The following TTN variants were observed in gnomAD, a reference collection of about 807,000 sequenced individuals.
TTN encodes the protein connectin.
Under a neutral mutation model 3,223.0 loss-of-function variants are expected in TTN, and 1,525 were observed. The ratio of observed to expected loss-of-function variants is 0.47; its 90% CI spans 0.45 to 0.49. The LOEUF is 0.49. TTN is among the 20% of genes least tolerant of loss of function. The pLI, the probability that TTN is intolerant of heterozygous loss-of-function variation, is 0.00. For missense variants in TTN, 40,786 were observed against 43,424.0 expected, an observed-to-expected ratio of 0.94 and a Z score of 5.40; for synonymous variants, 14,094 against 15,161.0, an observed-to-expected ratio of 0.93 and a Z score of 5.17.
Position 178,618,578 on chromosome 2 carries a change from G to C in TTN, c.46966+6C>G, listed in dbSNP as rs781167167. 5 of 1,610,970 alleles carry C rather than the reference G, an allele frequency of 3.1e-6. No homozygotes were observed. In the Admixed American group the frequency reaches 5.0e-5, roughly 16 times the overall value. ...CCAATTAAGTCTGAGAGACCCAAGG[G>C]CTTACCAATAACTTTTAAATTGATG... On this transcript the variant is annotated splice_donor_region_variant and intron_variant, in intron 251 of 362. Transcript: ENST00000589042.
At chr2:178,550,706 G>A (rs1699086897) in intron 336 of TTN, 1 of 489,026 alleles carries the variant, frequency 2.0e-6, no homozygotes, top group Non-Finnish European at 3.6e-6. Context: ...GTACTGTTAA[G>A]TGGCGAAAAT....
chr2:178,722,701 T>C lies in TTN; in HGVS notation c.22198A>G (p.Ser7400Gly). The C allele has an allele frequency of 6.2e-7, 1 of 1,613,192 alleles. No individual in the cohort carries two copies. The highest frequency in any genetic ancestry group is 8.5e-7 in the Non-Finnish European group (1 of 1,179,482). ...SGEYTCKAEN[S>G]IGTASSKTVF... is the part of the protein sequence containing the mutation. Reference sequence around the variant, plus strand: ...GTCTTAGAAGAAGCAGTTCCTATACTATTTTCTGCTTTGCATGTGTACTCT... The same window carrying C: ...GTCTTAGAAGAAGCAGTTCCTATACCATTTTCTGCTTTGCATGTGTACTCT... The change falls in exon 76 of 363, where the codon AGT becomes GGT. Residue 7400 changes from serine to glycine, a missense_variant. Physicochemically the swap from Ser to Gly is moderately conservative, Grantham distance 56. Coordinates refer to ENST00000589042, the MANE Select transcript of TTN (RefSeq NM_001267550.2).
chr2:178,777,249 G>A lies in TTN; in HGVS notation c.4714C>T (p.Arg1572Ter), dbSNP rs1554008881. ...LKNVNIKEGS[R>*]LEMKVRATGN... Reference sequence around the variant, plus strand: ...GTAGCTCTGACTTTCATTTCAAGTCGGGAACCTTCCTTTATATTGACATTT... The same window carrying A: ...GTAGCTCTGACTTTCATTTCAAGTCAGGAACCTTCCTTTATATTGACATTT... Residue 1572 changes from arginine to a stop codon, truncating the protein, a stop_gained, in exon 27 of 363, where the codon CGA becomes TGA. Transcript: ENST00000589042. LOFTEE classifies it high-confidence loss of function. 3 of 1,613,978 alleles carry A rather than the reference G, an allele frequency of 1.9e-6. No homozygotes were observed. Among genetic ancestry groups the A allele is most frequent in the Non-Finnish European group, 2.5e-6 (3 of 1,179,956 alleles).
intron 47 of TTN, chr2:178,745,171 C>T: frequency 1.0e-6 from 1 of 998,952 alleles, no homozygotes. Context: ...GAGAGATTTG[C>T]CCTTACCAAT....
chr2:178,802,154 A>G lies in TTN; in HGVS notation c.279T>C (p.Ala93=), dbSNP rs2154359804. The part of the protein sequence containing the change: ...TNGSGQATST[A]ELLVKAETAP... ...GCAGCCTACCTTTCACGAGAAGCTCAGCAGTACTAGTCGCTTGTCCAGATC... is the reference window on the plus strand; with the variant it reads ...GCAGCCTACCTTTCACGAGAAGCTCGGCAGTACTAGTCGCTTGTCCAGATC... The change falls in exon 3 of 363, where the codon GCT becomes GCC. Residue 93 remains alanine (A), a synonymous_variant. Transcript: ENST00000589042. 6.2e-7 allele frequency: 1 copy of G among 1,614,104 alleles called. No homozygotes were observed. The highest frequency in any genetic ancestry group is 8.5e-7 in the Non-Finnish European group (1 of 1,179,964).
Position 178,575,300 on chromosome 2 carries a change from G to T in TTN, c.70832C>A (p.Ala23611Glu), listed in dbSNP as rs72646891. ...YTFQVMAVNS[A>E]GRSAPRESRP... ...GCTTTCTCTAGGGGCACTTCTCCCC[G>T]CGCTGTTCACTGCCATCACTTGGAA... The change falls in exon 326 of 363, where the codon GCG (alanine) becomes GAG (glutamate). Residue 23611 changes from alanine (A) to glutamate (E), a missense_variant. By Grantham distance (107) the Ala-to-Glu change is moderately radical (BLOSUM62 -1). Transcript: ENST00000589042. The surrounding 1 kb of genome is among the most constrained non-coding windows in gnomAD (Gnocchi z 4.0). The T allele has an allele frequency of 6.2e-7, 1 of 1,613,366 alleles. No homozygotes were observed. Among genetic ancestry groups the T allele is most frequent in the East Asian group, 2.2e-5 (1 of 44,680 alleles).
chr2:178,788,235 C>G (rs143927271), intron 13 of TTN, among the ~76,000 whole-genome samples: 165 of 152,180 alleles, frequency 1.1e-3, no homozygotes, highest in African/African-American at 3.8e-3. Flanking sequence ...GAATCCTTCT[C>G]TAGTCATTGG....
At chr2:178,753,827 T>C (rs2086242268) in intron 46 of TTN, 1 of 152,288 alleles carries the variant, frequency 6.6e-6, no homozygotes, top group South Asian at 2.1e-4. Flanking sequence ...GTAGACTTTA[T>C]TCCCTTGTTC....
Position 178,632,700 on chromosome 2 carries a change from T to C in TTN, c.43306A>G (p.Lys14436Glu), listed in dbSNP as rs2059951786. The C allele has an allele frequency of 6.2e-7, 1 of 1,613,282 alleles. No individual in the cohort carries two copies. ...KFECEVSREPKTFRWLKGTQE... is the reference protein window; with the variant it reads ...KFECEVSREPETFRWLKGTQE... Reference sequence around the variant, plus strand: ...GTTCCTTTTAGCCAACGGAATGTTTTGGGCTCCCTGGATACTTCACACTCA... The same window carrying C: ...GTTCCTTTTAGCCAACGGAATGTTTCGGGCTCCCTGGATACTTCACACTCA... Residue 14436 changes from lysine to glutamate, a missense_variant, in exon 235 of 363, where the codon AAA becomes GAA. By Grantham distance (56) the Lys-to-Glu change is moderately conservative. Transcript: ENST00000589042.
At position 178,777,296 on chromosome 2, in the gene TTN, G is replaced by T. The variant is rs569025335; in HGVS notation, c.4667C>A (p.Pro1556Gln). The T allele has an allele frequency of 2.5e-6, 4 of 1,613,804 alleles. No homozygotes were observed. The highest frequency in any genetic ancestry group is 2.5e-6 in the Non-Finnish European group (3 of 1,179,942). The change falls in exon 27 of 363, where the codon CCG becomes CAG. Residue 1556 changes from proline to glutamine, a missense_variant. Physicochemically the swap from Pro to Gln is moderately conservative, Grantham distance 76. Transcript: ENST00000589042. The stretch of plus-strand genomic sequence containing the variant: ...ATTTTTCAGTTTTTCTACAAACATC[G>T]GTTTTACCTGATGTTCCACAGCTGA... Reference protein sequence around the residue: ...TVEAVEHQVKPMFVEKLKNVN... With the variant: ...TVEAVEHQVKQMFVEKLKNVN...
chr2:178,580,235 T>G lies in TTN; in HGVS notation c.67058-6A>C. On this transcript the variant is annotated splice_polypyrimidine_tract_variant and splice_region_variant and intron_variant, in intron 317 of 362. Coordinates refer to ENST00000589042, the MANE Select transcript of TTN (RefSeq NM_001267550.2). Reference sequence around the variant, plus strand: ...GACAGGTGGCCCAGGAGTATCTGGATAAATAGTAGGTAAATAAGAAATGAA... The same window carrying G: ...GACAGGTGGCCCAGGAGTATCTGGAGAAATAGTAGGTAAATAAGAAATGAA... 1 of 1,610,962 alleles carries G rather than the reference T, an allele frequency of 6.2e-7. No individual in the cohort carries two copies. Among genetic ancestry groups the G allele is most frequent in the Non-Finnish European group, 8.5e-7 (1 of 1,179,032 alleles).
Position 178,571,373 on chromosome 2 carries a change from G to C in TTN, c.74759C>G (p.Ser24920Cys). The change falls in exon 326 of 363, where the codon TCC (serine) becomes TGC (cysteine). Residue 24920 changes from serine (S) to cysteine (C), a missense_variant. Transcript: ENST00000589042. ...TTGTACTTCCATGCTGTCCCTGGAG[G>C]ACAGTGTGACAACTGGAGTGCCAGG... ...GPPGTPVVTL[S>C]SRDSMEVQWN... 1.9e-6 allele frequency: 3 copies of C among 1,613,368 alleles called. No homozygotes were observed. Among genetic ancestry groups the C allele is most frequent in the Non-Finnish European group, 2.5e-6 (3 of 1,179,576 alleles).
Position 178,574,252 on chromosome 2 carries a change from G to C in TTN, c.71880C>G (p.Ile23960Met), listed in dbSNP as rs1366447660. 3.1e-6 allele frequency: 5 copies of C among 1,612,722 alleles called. No homozygotes were observed. The highest frequency in any genetic ancestry group is 1.3e-5 in the African/African-American group (1 of 74,876). The change falls in exon 326 of 363, where the codon ATC (isoleucine) becomes ATG (methionine). Residue 23960 changes from isoleucine to methionine, a missense_variant. By Grantham distance (10) the Ile-to-Met change is conservative. Transcript: ENST00000589042. ...YTGGFKITSY[I>M]VEKRDLPNGR... ...CATTAGGAAGGTCTCTCTTTTCAAC[G>C]ATATAACTGGTAATTTTAAAGCCCC...
chr2:178,671,899 C>T (rs116402049), intron 155 of TTN, 72 bp downstream of exon 155: 232 of 1,522,048 alleles, frequency 1.5e-4, no homozygotes, highest in Non-Finnish European at 1.6e-4. Flanking sequence ...CCAAACTGAA[C>T]ACAAAATTTA....
rs369198301 is a variant in TTN at position 178,530,707 on chromosome 2, A to G, written c.105908T>C (p.Leu35303Pro). The G allele has an allele frequency of 1.9e-6, 3 of 1,613,844 alleles. No homozygotes were observed. Among genetic ancestry groups the G allele is most frequent in the Non-Finnish European group, 2.5e-6 (3 of 1,179,892 alleles). The stretch of plus-strand genomic sequence containing the variant: ...TACACTGCTTTCAACCACACAGGTC[A>G]GTTTTGCAATCTCTTTAGAAGCTTC... The part of the protein sequence containing the change: ...KAEASKEIAK[L>P]TCVVESSVLR... Residue 35303 changes from leucine (L) to proline (P), a missense_variant, in exon 358 of 363, where the codon CTG (leucine) becomes CCG (proline). Coordinates refer to ENST00000589042, the MANE Select transcript of TTN (RefSeq NM_001267550.2).
In TTN at chr2:178,538,801, T is replaced by C. The variant is rs1419804652; in HGVS notation, c.99028A>G (p.Ile33010Val). The C allele has an allele frequency of 1.2e-6, 2 of 1,611,532 alleles. No individual in the cohort carries two copies. Among genetic ancestry groups the C allele is most frequent in the South Asian group, 1.1e-5 (1 of 90,690 alleles). Reference protein sequence around the residue: ...SQPGELEILSISKDSVTLQWE... With the variant: ...SQPGELEILSVSKDSVTLQWE... ...TGTAGAGTGACACTATCTTTGGATA[T>C]TGAAAGAATCTCAAGTTCTCCTGGT... is the stretch of plus-strand genomic sequence containing the variant. Residue 33010 changes from isoleucine (I) to valine (V), a missense_variant, in exon 354 of 363, where the codon ATA becomes GTA. Transcript: ENST00000589042.
rs780920687 is a variant in TTN, at chr2:178,677,664, T to G, written c.34248A>C (p.Glu11416Asp). The G allele has an allele frequency of 4.4e-6, 7 of 1,608,868 alleles. No individual in the cohort carries two copies. Among genetic ancestry groups the G allele is most frequent in the East Asian group, 2.2e-5 (1 of 44,820 alleles). ...PEEEEFVPEE[E>D]VLPEVKPKVP... ...CCTTAGGTTTAACTTCTGGAAGGAC[T>G]TCTTCTTCAGGTACAAATTCTTCTT... Residue 11416 changes from glutamate to aspartate, a missense_variant, in exon 146 of 363, where the codon GAA becomes GAC. Glu to Asp is a conservative substitution (Grantham distance 45). Transcript: ENST00000589042.
chr2:178,806,814 A>T (rs1379838947), intron 1 of TTN, among the ~76,000 whole-genome samples: 1 of 152,214 alleles, frequency 6.6e-6, no homozygotes, highest in Non-Finnish European at 1.5e-5. Context: ...GGTGTAGCTG[A>T]TACCACATGC....
At chr2:178,670,780 CAT>C (rs1271604455) in intron 156 of TTN, among the ~76,000 whole-genome samples, 9 of 151,702 alleles carry the variant, frequency 5.9e-5, no homozygotes, top group Non-Finnish European at 1.2e-4. Context: ...AATAGAAAAA[CAT>C]GTGTTTATCA....
Sources: gnomAD v4.1 joint callset for allele counts (sites outside exome capture counted in the v4.1 genomes callset) on GRCh38, gnomAD v4.1.1 for gene constraint, Gnocchi (gnomAD v3.1) non-coding constraint, MANE v1.5 for transcripts, NCBI Gene and HGNC (gene_info 2026-07-23, HGNC 2026-07-21) for gene names.